RIMKLB: variants seen among roughly 807,000 people sequenced by gnomAD.
RIMKLB encodes beta-citrylglutamate synthase B.
In RIMKLB, 7 loss-of-function variants were observed where a neutral mutation model predicts 32.0. The observed-to-expected ratio is 0.22, with a 90% CI of 0.12 to 0.41. The LOEUF is 0.41. Ranked by LOEUF, RIMKLB falls within the 10% of genes least tolerant of loss-of-function variation. The probability of loss-of-function intolerance (pLI) is 1.00; values close to 1 mark genes in which losing one functional copy is unlikely to be tolerated. For synonymous variants in RIMKLB, 172 were observed against 185.1 expected (o/e 0.93, Z 0.57); for missense variants, 289 against 498.7 (o/e 0.58, Z 4.00).
At chr12:8,701,518 C>T (rs1411674713) in intron 1 of RIMKLB, among the ~76,000 whole-genome samples, 1 of 151,850 alleles carries the variant, frequency 6.6e-6, no homozygotes, top group Non-Finnish European at 1.5e-5. Flanking sequence ...TGCATGGAAC[C>T]CATCTGTTTA....
intron 7 of RIMKLB, among the ~76,000 whole-genome samples, chr12:8,782,510 A>G (rs1210495811): frequency 1.3e-5 from 2 of 150,760 alleles, no homozygotes; most frequent in African/African-American, 4.8e-5. Flanking sequence ...CAGCATCTTA[A>G]TTAAGTAGAA....
At chr12:8,686,112 T>C (rs961887727) in intron 1 of RIMKLB, among the ~76,000 whole-genome samples, 14 of 152,154 alleles carry the variant, frequency 9.2e-5, no homozygotes, top group African/African-American at 3.1e-4. Context: ...GGACTAATTT[T>C]TGTGTTTTTA....
At chr12:8,688,408 G>A (rs1055942323) in intron 1 of RIMKLB, among the ~76,000 whole-genome samples, 4 of 152,156 alleles carry the variant, frequency 2.6e-5, no homozygotes, top group Non-Finnish European at 5.9e-5. Context: ...CAAGAAAAGC[G>A]AGATTTAGGG....
chr12:8,676,192 C>G, the RIMKLB span, among the ~76,000 whole-genome samples: 1 of 151,768 alleles, frequency 6.6e-6, no homozygotes, highest in East Asian at 1.9e-4. Flanking sequence ...CCCACCTCAG[C>G]TCTCCCAGTA....
intron 2 of RIMKLB, among the ~76,000 whole-genome samples, chr12:8,737,067 C>T (rs984175675): frequency 5.9e-5 from 9 of 152,168 alleles, no homozygotes; most frequent in Non-Finnish European, 1.2e-4. Context: ...CCCGCCTTGG[C>T]CTCCCAAAGT....
At chr12:8,703,083 T>G (rs140464943) in intron 1 of RIMKLB, among the ~76,000 whole-genome samples, 236 of 152,242 alleles carry the variant, frequency 1.6e-3, no homozygotes, top group African/African-American at 5.4e-3. Context: ...GCCAGGAGTT[T>G]GAGACCAGCC....
At chr12:8,728,917 G>A (rs1298216165) in intron 2 of RIMKLB, among the ~76,000 whole-genome samples, 1 of 152,106 alleles carries the variant, frequency 6.6e-6, no homozygotes, top group Non-Finnish European at 1.5e-5. Context: ...TGACCGCTTT[G>A]TGGGATGGGA....
At chr12:8,725,500 C>T (rs978276457) in intron 2 of RIMKLB, among the ~76,000 whole-genome samples, 2 of 152,094 alleles carry the variant, frequency 1.3e-5, no homozygotes, top group Non-Finnish European at 2.9e-5. Context: ...CTAGTCTCAC[C>T]TGACGTCAGG....
intron 5 of RIMKLB, among the ~76,000 whole-genome samples, chr12:8,766,424 C>T (rs1019258357): frequency 2.0e-5 from 3 of 152,256 alleles, no homozygotes; most frequent in African/African-American, 4.8e-5. Context: ...TCATAACACC[C>T]CAGCTGCCCC....
upstream of RIMKLB, among the ~76,000 whole-genome samples, chr12:8,697,487 G>T (rs375959572): frequency 1.1e-3 from 165 of 152,220 alleles, 1 homozygote; most frequent in African/African-American, 3.8e-3. Context: ...TCGTGTCGGG[G>T]TTCCAGGCGC....
rs150041390 is a variant in RIMKLB, at chr12:8,727,392, G to A, written c.175+13351G>A. ...TGGGACTACAGGCGTGTGCCACCAC[G>A]CCCAGCTAATTTTTGTATTTCTTTA... On this transcript the variant is annotated intron_variant, in intron 2 of 5. Coordinates refer to ENST00000535829, the MANE Select transcript of RIMKLB (RefSeq NM_001297776.2). 3.4e-3 allele frequency among the ~76,000 whole-genome samples: 519 copies of A among 152,200 alleles called. 5 individuals are homozygous for A. The highest frequency in any genetic ancestry group is 0.012 in the African/African-American group (496 of 41,546).
At chr12:8,758,778 T>C (rs796286238) in intron 5 of RIMKLB, among the ~76,000 whole-genome samples, 1 of 152,354 alleles carries the variant, frequency 6.6e-6, no homozygotes, top group African/African-American at 2.4e-5. Context: ...ACACTACTTA[T>C]TGAATAGTCT....
chr12:8,694,840 T>G (rs1565542508), upstream of RIMKLB, among the ~76,000 whole-genome samples: 1 of 152,244 alleles, frequency 6.6e-6, no homozygotes, highest in South Asian at 2.1e-4. Context: ...GCAATAAATA[T>G]AACTATTTGT....
chr12:8,742,090 G>A (rs1041961209), intron 2 of RIMKLB, among the ~76,000 whole-genome samples: 2 of 151,338 alleles, frequency 1.3e-5, no homozygotes, highest in Admixed American at 6.6e-5. Context: ...AGTAGAGATG[G>A]GGTTTCACCA....
At chr12:8,730,963 C>T (rs1465144927) in intron 2 of RIMKLB, among the ~76,000 whole-genome samples, 5 of 151,972 alleles carry the variant, frequency 3.3e-5, no homozygotes, top group South Asian at 4.1e-4. Context: ...TGGTCTTGAA[C>T]TCCTGACCTC....
chr12:8,670,096 C>G, the RIMKLB span, among the ~76,000 whole-genome samples: 1 of 151,766 alleles, frequency 6.6e-6, no homozygotes, highest in Non-Finnish European at 1.5e-5. Flanking sequence ...CCCCGGGTCC[C>G]TCCCACAACA....
intron 2 of RIMKLB, among the ~76,000 whole-genome samples, chr12:8,721,736 GTGTTTTT>G (rs1361919266): frequency 6.6e-6 from 1 of 152,002 alleles, no homozygotes; most frequent in African/African-American, 2.4e-5. Flanking sequence ...TGAATTATGA[GTGTTTTT>G]TGTTTTTTGT....
intron 2 of RIMKLB, among the ~76,000 whole-genome samples, chr12:8,745,091 A>C (rs1223867745): frequency 1.3e-5 from 2 of 151,736 alleles, no homozygotes; most frequent in African/African-American, 2.4e-5. Flanking sequence ...GAGAACATGC[A>C]GTGTTTGGTT....
intron 2 of RIMKLB, among the ~76,000 whole-genome samples, chr12:8,720,304 A>T (rs1945308169): frequency 6.6e-6 from 1 of 152,204 alleles, no homozygotes; most frequent in South Asian, 2.1e-4. Flanking sequence ...TGATGGGTAA[A>T]AGACCTAATT....
Sources: gnomAD v4.1 joint callset for allele counts (sites outside exome capture counted in the v4.1 genomes callset) on GRCh38, gnomAD v4.1.1 for gene constraint, MANE v1.5 for transcripts, NCBI Gene and HGNC (gene_info 2026-07-23, HGNC 2026-07-21) for gene names.